The following CCBE1 variants were observed in gnomAD, a reference collection of about 807,000 sequenced individuals.
The protein encoded by CCBE1 is collagen and calcium binding EGF domains 1.
A neutral mutation model predicts 50.0 loss-of-function variants in CCBE1; 37 were observed. The observed-to-expected ratio is 0.74, with a 90% CI of 0.57 to 0.97. The LOEUF is 0.97. Ranked by LOEUF, CCBE1 falls within the 50% of genes least tolerant of loss-of-function variation. CCBE1 has a pLI of 0.00. For missense variants in CCBE1, 538 were observed against 523.8 expected (o/e 1.03, Z -0.26); for synonymous variants, 234 against 203.7 (o/e 1.15, Z -1.27).
intron 2 of CCBE1, among the ~76,000 whole-genome samples, chr18:59,657,442 C>T (rs925945716): frequency 1.3e-5 from 2 of 152,240 alleles, no homozygotes; most frequent in Non-Finnish European, 2.9e-5. Context: ...CAGGGCAGGG[C>T]CCTATGCAGT....
chr18:59,453,401 T>C (rs1313654953), intron 6 of CCBE1, among the ~76,000 whole-genome samples: 2 of 152,270 alleles, frequency 1.3e-5, no homozygotes, highest in African/African-American at 4.8e-5. Flanking sequence ...TCTCTGTGTT[T>C]ATAGTGATAG....
chr18:59,551,054 GAAAAAAGAAAAAT>G (rs1915912226), intron 2 of CCBE1, among the ~76,000 whole-genome samples: 4 of 111,474 alleles, frequency 3.6e-5, no homozygotes, highest in African/African-American at 1.3e-4. Context: ...AGAAAAAAAA[GAAAAAAGAAAAAT>G]AAAAATACAG....
chr18:59,498,464 C>G (rs185900565), intron 2 of CCBE1, among the ~76,000 whole-genome samples: 1 of 152,102 alleles, frequency 6.6e-6, no homozygotes, highest in Non-Finnish European at 1.5e-5. Flanking sequence ...TCAGTCCATA[C>G]CATATTGAGA....
chr18:59,564,197 C>T (rs1229445877), intron 2 of CCBE1: 1 of 152,174 alleles, frequency 6.6e-6, no homozygotes, highest in Non-Finnish European at 1.5e-5. Flanking sequence ...TTTATATTTA[C>T]AAGTTTAATA....
chr18:59,441,808 G>A (rs941969218), intron 7 of CCBE1, among the ~76,000 whole-genome samples: 1 of 152,164 alleles, frequency 6.6e-6, no homozygotes, highest in Non-Finnish European at 1.5e-5. Flanking sequence ...GTTACTCAAA[G>A]TGAATCACAA....
rs139319921 is a variant in CCBE1, at chr18:59,585,389, C to G, written c.213-105151G>C. ...TGGTGAACATCTGATTATTATCTGC[C>G]TCTCCACCAAGACTGCAGGCTCCTG... is the stretch of plus-strand genomic sequence containing the variant. On this transcript the variant is annotated intron_variant, in intron 2 of 10. Coordinates refer to ENST00000439986, the MANE Select transcript of CCBE1 (RefSeq NM_133459.4). 8.8e-3 allele frequency among the ~76,000 whole-genome samples: 1,342 copies of G among 152,100 alleles called. 19 individuals carry two copies. The highest frequency in any genetic ancestry group is 0.03 in the African/African-American group (1,250 of 41,484).
At chr18:59,625,168 C>A (rs1808577) in intron 2 of CCBE1, among the ~76,000 whole-genome samples, 22,343 of 152,128 alleles carry the variant, frequency 0.15, 1,977 homozygotes, top group African/African-American at 0.25. Flanking sequence ...GTGGTGGCTC[C>A]CACCTGTAAT....
chr18:59,443,955 T>C (rs1287561896), intron 7 of CCBE1, among the ~76,000 whole-genome samples: 1 of 152,236 alleles, frequency 6.6e-6, no homozygotes, highest in Non-Finnish European at 1.5e-5. Flanking sequence ...ATGAGTTTAA[T>C]TATTTTAGAT....
At chr18:59,527,314 G>C (rs1227786708) in intron 2 of CCBE1, among the ~76,000 whole-genome samples, 1 of 151,992 alleles carries the variant, frequency 6.6e-6, no homozygotes, top group Non-Finnish European at 1.5e-5. Context: ...TCAGAAACTA[G>C]GATTGCAACC....
At position 59,522,900 on chromosome 18, in the gene CCBE1, G is replaced by A. The variant is rs544380541; in HGVS notation, c.213-42662C>T. ...CCAGCTACTCGGGAGGCTGCAGGAGGAGAGTGGTGTGAACCCAGGAGGCGG... is the reference window on the plus strand; with the variant it reads ...CCAGCTACTCGGGAGGCTGCAGGAGAAGAGTGGTGTGAACCCAGGAGGCGG... On this transcript the variant is annotated intron_variant, in intron 2 of 10. Transcript: ENST00000439986. Among the ~76,000 whole-genome samples, 30 of 150,608 alleles carry A rather than the reference G, an allele frequency of 2.0e-4. 1 individual carries two copies. In the East Asian group the frequency reaches 5.5e-3, roughly 28 times the overall value.
chr18:59,622,755 C>T (rs1488229469), intron 2 of CCBE1, among the ~76,000 whole-genome samples: 4 of 149,560 alleles, frequency 2.7e-5, no homozygotes, highest in South Asian at 2.1e-4. Context: ...GAGCTGAGAT[C>T]GTGCCACTAC....
At chr18:59,611,754 AAAT>A (rs1568233441) in intron 2 of CCBE1, among the ~76,000 whole-genome samples, 1 of 151,962 alleles carries the variant, frequency 6.6e-6, no homozygotes, top group African/African-American at 2.4e-5. Context: ...TTAAAAAAAA[AAAT>A]AAAAAAAGGA....
intron 6 of CCBE1, among the ~76,000 whole-genome samples, chr18:59,451,397 A>C (rs920905555): frequency 1.3e-5 from 2 of 150,440 alleles, no homozygotes; most frequent in Non-Finnish European, 3.0e-5. Context: ...TTCACTCTCA[A>C]ATCCGATAGT....
At chr18:59,505,012 G>C (rs1166486744) in intron 2 of CCBE1, among the ~76,000 whole-genome samples, 3 of 152,152 alleles carry the variant, frequency 2.0e-5, no homozygotes, top group African/African-American at 7.2e-5. Context: ...ATGGGGCCCT[G>C]GGTGGTGGAT....
chr18:59,442,623 G>A (rs1362883311), intron 7 of CCBE1, among the ~76,000 whole-genome samples: 1 of 152,090 alleles, frequency 6.6e-6, no homozygotes, highest in Non-Finnish European at 1.5e-5. Context: ...AGCTGCTTGG[G>A]AGACTGAGGC....
chr18:59,513,901 A>G lies in CCBE1; in HGVS notation c.213-33663T>C, dbSNP rs531324264. 8.5e-5 allele frequency among the ~76,000 whole-genome samples: 13 copies of G among 152,288 alleles called. No individual in the cohort carries two copies. In the South Asian group the frequency reaches 2.7e-3, roughly 32 times the overall value. On this transcript the variant is annotated intron_variant, in intron 2 of 10. Transcript: ENST00000439986. ...GAAGCAGGGGGAGAGAAGACCCCCT[A>G]TGCCACACTTGGGCCATCACGGGCT...
intron 3 of CCBE1, among the ~76,000 whole-genome samples, chr18:59,475,290 C>T (rs1256651697): frequency 2.0e-5 from 3 of 152,212 alleles, no homozygotes; most frequent in Non-Finnish European, 4.4e-5. Context: ...GGCTAACCTT[C>T]CCAAAGCATA....
intron 2 of CCBE1, among the ~76,000 whole-genome samples, chr18:59,630,723 GT>G (rs1568243013): frequency 6.6e-6 from 1 of 152,134 alleles, no homozygotes; most frequent in African/African-American, 2.4e-5. Context: ...AAGATTAAGG[GT>G]CCCAATGAAC....
At chr18:59,612,987 A>G (rs2053593276) in intron 2 of CCBE1, among the ~76,000 whole-genome samples, 1 of 152,084 alleles carries the variant, frequency 6.6e-6, no homozygotes, top group South Asian at 2.1e-4. Context: ...GCATATCATT[A>G]AGTGCTAAAT....
Sources: gnomAD v4.1 joint callset for allele counts (sites outside exome capture counted in the v4.1 genomes callset) on GRCh38, gnomAD v4.1.1 for gene constraint, MANE v1.5 for transcripts, NCBI Gene and HGNC (gene_info 2026-07-23, HGNC 2026-07-21) for gene names.